The following LRRC66 variants were observed in gnomAD, a reference collection of about 807,000 sequenced individuals.
LRRC66 encodes the protein leucine rich repeat containing 66.
A neutral mutation model predicts 24.6 loss-of-function variants in LRRC66; 29 were observed. That is an observed-to-expected ratio of 1.18 (90% CI 0.88 to 1.61). The LOEUF is 1.61. LRRC66 is among the 40% of genes most tolerant of loss of function. LRRC66 has a pLI of 0.00. For missense variants in LRRC66, 1,124 were observed against 1,058.0 expected (o/e 1.06, Z -0.87); for synonymous variants, 411 against 397.6 (o/e 1.03, Z -0.40).
chr4:51,995,793 TG>T lies in LRRC66; in HGVS notation c.1228del (p.Gln410ArgfsTer40). ...YVDRLWQKKCQSKSPGLDNAY... is the reference protein window; with the variant it reads ...YVDRLWQKKCXSKSPGLDNAY... Reference sequence around the variant, plus strand: ...GTTGTCCAGGCCAGGGCTTTTGCTCTGGCACTTTTTTTGCCACAGTCTGTCA... The same window carrying T: ...GTTGTCCAGGCCAGGGCTTTTGCTCTGCACTTTTTTTGCCACAGTCTGTCA... On this transcript the variant is annotated frameshift_variant, in exon 5 of 5. Coordinates refer to ENST00000682860, the MANE Select transcript of LRRC66 (RefSeq NM_001024611.3). LOFTEE classifies it low-confidence loss of function (END_TRUNC). 6.2e-7 allele frequency: 1 copy of T among 1,614,182 alleles called. No homozygotes were observed. Among genetic ancestry groups the T allele is most frequent in the Non-Finnish European group, 8.5e-7 (1 of 1,180,036 alleles).
chr4:52,020,300 A>G lies in LRRC66; in HGVS notation c.-6+4T>C, dbSNP rs1358222697. ...TGGAAAGTAATAATGCCTCTAAGACATACCTTCGTATCCTAAGTGGTTATC... is the reference window on the plus strand; with the variant it reads ...TGGAAAGTAATAATGCCTCTAAGACGTACCTTCGTATCCTAAGTGGTTATC... On this transcript the variant is annotated splice_donor_region_variant and intron_variant, in intron 1 of 4. Coordinates refer to ENST00000682860, the MANE Select transcript of LRRC66 (RefSeq NM_001024611.3). 6.6e-6 allele frequency among the ~76,000 whole-genome samples: 1 copy of G among 152,256 alleles called. No homozygotes were observed. The highest frequency in any genetic ancestry group is 1.5e-5 in the Non-Finnish European group (1 of 68,046).
intron 2 of LRRC66, among the ~76,000 whole-genome samples, chr4:52,012,776 AC>A (rs1480935369): frequency 6.6e-6 from 1 of 152,204 alleles, no homozygotes; most frequent in Non-Finnish European, 1.5e-5. Flanking sequence ...CAAAGGACAC[AC>A]TAGGCAGGAA....
At position 51,994,186 on chromosome 4, in the gene LRRC66, G is replaced by C. The variant is rs1256771356; in HGVS notation, c.*193C>G. 1 of 581,570 alleles carries C rather than the reference G, an allele frequency of 1.7e-6. No homozygotes were observed. Among genetic ancestry groups the C allele is most frequent in the Non-Finnish European group, 3.0e-6 (1 of 333,716 alleles). 36.0% of individuals were successfully genotyped at this position (581,570 alleles called of 1,614,324 possible). ...ATCCCCATAGGATGTTAACAAGTGT[G>C]TTTAGCTTATAACCCTTCTAGAATC... On this transcript the variant is annotated 3_prime_UTR_variant, in exon 5 of 5. Coordinates refer to ENST00000682860, the MANE Select transcript of LRRC66 (RefSeq NM_001024611.3).
At chr4:52,002,209 A>G (rs1429721741) in intron 3 of LRRC66, among the ~76,000 whole-genome samples, 1 of 152,248 alleles carries the variant, frequency 6.6e-6, no homozygotes, top group Non-Finnish European at 1.5e-5. Context: ...TATTGGATAA[A>G]TAACACTTAC....
intron 2 of LRRC66, among the ~76,000 whole-genome samples, chr4:52,012,154 T>C (rs1736720530): frequency 6.6e-6 from 1 of 151,648 alleles, no homozygotes; most frequent in African/African-American, 2.4e-5. Context: ...GCCACTGCAC[T>C]CCAGTCTGGG....
chr4:52,003,347 T>C lies in LRRC66; in HGVS notation c.542A>G (p.Asn181Ser), dbSNP rs1426002150. ...KSLQSLDLSFNGILQIGWSDF... is the reference protein window; with the variant it reads ...KSLQSLDLSFSGILQIGWSDF... ...AGACCACCCTATTTGCAATATCCCA[T>C]TGAATGACAGATCCAAACTCTGCAA... is the stretch of plus-strand genomic sequence containing the variant. The change falls in exon 3 of 5, where the codon AAT becomes AGT. Residue 181 changes from asparagine to serine, a missense_variant. Transcript: ENST00000682860. 1.9e-6 allele frequency: 3 copies of C among 1,613,832 alleles called. No homozygotes were observed. Among genetic ancestry groups the C allele is most frequent in the South Asian group, 2.2e-5 (2 of 91,036 alleles).
chr4:52,015,843 T>C (rs907004850), intron 2 of LRRC66, among the ~76,000 whole-genome samples: 1 of 152,172 alleles, frequency 6.6e-6, no homozygotes, highest in African/African-American at 2.4e-5. Context: ...TATAAAGTTA[T>C]TAAAATATTC....
intron 2 of LRRC66, among the ~76,000 whole-genome samples, chr4:52,016,915 C>T (rs1224264076): frequency 6.6e-6 from 1 of 152,156 alleles, no homozygotes; most frequent in Non-Finnish European, 1.5e-5. Flanking sequence ...GTCAGATATA[C>T]TAATGGGAGA....
At chr4:52,016,083 G>A (rs1736802489) in intron 2 of LRRC66, among the ~76,000 whole-genome samples, 1 of 151,996 alleles carries the variant, frequency 6.6e-6, no homozygotes, top group Non-Finnish European at 1.5e-5. Context: ...CATTTACACT[G>A]AAAATATGAC....
rs1736266279 is a variant in LRRC66, at chr4:51,995,156, C to G, written c.1866G>C (p.Lys622Asn). The change falls in exon 5 of 5, where the codon AAG becomes AAC. Residue 622 changes from lysine to asparagine, a missense_variant. Transcript: ENST00000682860. ...CAATGGATGAACTCACTTGCCTTTC[C>G]TTAGAAAATTCCATCTGCGAGTCCC... ...SLWDSQMEFS[K>N]ERQVSSSIDL... 1.9e-6 allele frequency: 3 copies of G among 1,614,236 alleles called. No individual in the cohort carries two copies. The East Asian group carries it at 6.7e-5, about 36-fold the overall frequency.
Position 51,995,629 on chromosome 4 carries a change from G to A in LRRC66, c.1393C>T (p.Pro465Ser), listed in dbSNP as rs111450886. ...QTPFWVTQPHPHATVIPDRTL... is the reference protein window; with the variant it reads ...QTPFWVTQPHSHATVIPDRTL... The stretch of plus-strand genomic sequence containing the variant: ...CTATCAGGAATTACGGTGGCGTGTG[G>A]GTGTGGCTGTGTCACCCAGAAAGGG... The change falls in exon 5 of 5, where the codon CCA (proline) becomes TCA (serine). Residue 465 changes from proline to serine, a missense_variant. Physicochemically the swap from Pro to Ser is moderately conservative, Grantham distance 74. Coordinates refer to ENST00000682860, the MANE Select transcript of LRRC66 (RefSeq NM_001024611.3). 5.6e-5 allele frequency: 90 copies of A among 1,614,022 alleles called. No homozygotes were observed. The highest frequency in any genetic ancestry group is 5.2e-5 in the Non-Finnish European group (61 of 1,179,996).
At position 52,017,151 on chromosome 4, in the gene LRRC66, G is replaced by C; in HGVS notation, c.463C>G (p.Leu155Val). ...GTGTCACTGAGTTTATTTCTTTGAA[G>C]AATGAGCACCTTCAGCAATGGAAAC... is the stretch of plus-strand genomic sequence containing the variant. The part of the protein sequence containing the change: ...NRFPLLKVLI[L>V]QRNKLSDTPK... The change falls in exon 2 of 5, where the codon CTT becomes GTT. Residue 155 changes from leucine to valine, a missense_variant. Physicochemically the swap from Leu to Val is conservative, Grantham distance 32. Coordinates refer to ENST00000682860, the MANE Select transcript of LRRC66 (RefSeq NM_001024611.3). 2 of 1,613,870 alleles carry C rather than the reference G, an allele frequency of 1.2e-6. No individual in the cohort carries two copies. Among genetic ancestry groups the C allele is most frequent in the Non-Finnish European group, 1.7e-6 (2 of 1,179,912 alleles).
chr4:52,019,376 T>TTATCTATC (rs1001144502), intron 1 of LRRC66, among the ~76,000 whole-genome samples: 3 of 152,148 alleles, frequency 2.0e-5, no homozygotes, highest in African/African-American at 7.2e-5. Context: ...AAAAGGAACA[T>TTATCTATC]TATCTATCTA....
In LRRC66 at chr4:51,994,870, A is replaced by C; in HGVS notation, c.2152T>G (p.Ser718Ala). ...GSLFTLSSISSESARSKTEEA... is the reference protein window; with the variant it reads ...GSLFTLSSISAESARSKTEEA... ...TCAGTCTTGCTCCTTGCACTCTCTG[A>C]ACTTATGGAGCTCAGAGTGAACAGA... The change falls in exon 5 of 5, where the codon TCA becomes GCA. Residue 718 changes from serine to alanine, a missense_variant. By Grantham distance (99) the Ser-to-Ala change is moderately conservative (BLOSUM62 1). Transcript: ENST00000682860. 1 of 1,614,114 alleles carries C rather than the reference A, an allele frequency of 6.2e-7. No homozygotes were observed. Among genetic ancestry groups the C allele is most frequent in the Non-Finnish European group, 8.5e-7 (1 of 1,180,020 alleles).
chr4:52,009,550 G>A (rs1480506641), intron 2 of LRRC66, among the ~76,000 whole-genome samples: 1 of 152,118 alleles, frequency 6.6e-6, no homozygotes, highest in Non-Finnish European at 1.5e-5. Context: ...AATAATAAGA[G>A]AGGTGGCATT....
chr4:52,019,387 T>C (rs1736894155), intron 1 of LRRC66, among the ~76,000 whole-genome samples: 1 of 152,224 alleles, frequency 6.6e-6, no homozygotes, highest in South Asian at 2.1e-4. Context: ...TATCTATCTA[T>C]CTATCTATCC....
At position 52,017,088 on chromosome 4, in the gene LRRC66, GT is replaced by G. The variant is rs760842017; in HGVS notation, c.496+29del. The G allele has an allele frequency of 2.7e-5, 42 of 1,569,740 alleles. No individual in the cohort carries two copies. The South Asian group carries it at 4.4e-4, about 16-fold the overall frequency. On this transcript the variant is annotated intron_variant, in intron 2 of 4. Transcript: ENST00000682860. The stretch of plus-strand genomic sequence containing the variant: ...CATGAAACAACTCCACGTAAGCATT[GT>G]TTCTCTGCCTAGTTAAAATTGTACT...
At chr4:52,006,098 G>A (rs1474478124) in intron 2 of LRRC66, among the ~76,000 whole-genome samples, 1 of 152,148 alleles carries the variant, frequency 6.6e-6, no homozygotes, top group Non-Finnish European at 1.5e-5. Context: ...TTGAGTAAGT[G>A]CCCTAGGAGC....
At chr4:52,004,868 G>A (rs1736538265) in intron 2 of LRRC66, among the ~76,000 whole-genome samples, 1 of 152,212 alleles carries the variant, frequency 6.6e-6, no homozygotes, top group Non-Finnish European at 1.5e-5. Context: ...AAGGCAGTCG[G>A]TGCTGAGGAC....
Sources: gnomAD v4.1 joint callset for allele counts (sites outside exome capture counted in the v4.1 genomes callset) on GRCh38, gnomAD v4.1.1 for gene constraint, MANE v1.5 for transcripts, NCBI Gene and HGNC (gene_info 2026-07-23, HGNC 2026-07-21) for gene names.